Variants in DPP10 observed in about 807,000 individuals in gnomAD.
DPP10 encodes inactive dipeptidyl peptidase 10.
In DPP10, 33 loss-of-function variants were observed where a neutral mutation model predicts 120.9. The ratio of observed to expected loss-of-function variants is 0.27; its 90% confidence interval spans 0.21 to 0.37. DPP10 has a LOEUF of 0.37. Ranked by LOEUF, DPP10 falls within the 10% of genes least tolerant of loss-of-function variation. The pLI is 1.00. For synonymous variants in DPP10, 337 were observed against 326.1 expected (o/e 1.03, Z -0.36); for missense variants, 816 against 942.8 (o/e 0.87, Z 1.76).
chr2:114,479,423 G>T (rs1680812324), intron 1 of DPP10, among the ~76,000 whole-genome samples: 1 of 142,948 alleles, frequency 7.0e-6, no homozygotes, highest in African/African-American at 2.6e-5. Flanking sequence ...AAAAAAAACA[G>T]AACTATTCAA....
intron 5 of DPP10, among the ~76,000 whole-genome samples, chr2:115,544,724 A>G (rs984211257): frequency 2.0e-5 from 3 of 152,056 alleles, no homozygotes; most frequent in African/African-American, 7.2e-5. Flanking sequence ...GCAACATAAC[A>G]TATGGCATTC....
chr2:115,114,162 G>T (rs1031664644), intron 1 of DPP10, among the ~76,000 whole-genome samples: 20 of 152,256 alleles, frequency 1.3e-4, no homozygotes, highest in African/African-American at 4.6e-4. Context: ...CTTTCTCAAA[G>T]AACAGTATAT....
chr2:114,595,656 A>G (rs1233239149), intron 1 of DPP10, among the ~76,000 whole-genome samples: 1 of 152,156 alleles, frequency 6.6e-6, no homozygotes, highest in Non-Finnish European at 1.5e-5. Context: ...AAAGCATAAG[A>G]CATTCATACA....
chr2:115,311,377 A>G (rs1047849629), intron 2 of DPP10, among the ~76,000 whole-genome samples: 10 of 152,312 alleles, frequency 6.6e-5, no homozygotes, highest in African/African-American at 2.4e-4. Context: ...TTCAGTACTT[A>G]TTGACCACCA....
chr2:115,014,534 C>A (rs985601923), intron 1 of DPP10, among the ~76,000 whole-genome samples: 4 of 151,996 alleles, frequency 2.6e-5, no homozygotes, highest in East Asian at 3.9e-4. Context: ...AAAAACCCTT[C>A]AAAAAACCAA....
intron 11 of DPP10, among the ~76,000 whole-genome samples, chr2:115,754,873 C>G (rs1441450772): frequency 6.6e-6 from 1 of 152,042 alleles, no homozygotes; most frequent in Non-Finnish European, 1.5e-5. Flanking sequence ...TTGATTATTG[C>G]ACCTTGTATA....
At chr2:115,403,574 AT>A (rs964924118) in intron 3 of DPP10, among the ~76,000 whole-genome samples, 1 of 151,396 alleles carries the variant, frequency 6.6e-6, no homozygotes, top group Non-Finnish European at 1.5e-5. Context: ...TAATTTTTGT[AT>A]TTTCAGTAGA....
At chr2:114,515,175 T>C (rs1684490872) in intron 1 of DPP10, among the ~76,000 whole-genome samples, 1 of 152,212 alleles carries the variant, frequency 6.6e-6, no homozygotes, top group South Asian at 2.1e-4. Flanking sequence ...CAGGTTTACT[T>C]CCCAATATTC....
intron 1 of DPP10, among the ~76,000 whole-genome samples, chr2:115,225,342 C>T (rs936841040): frequency 1.3e-5 from 2 of 152,036 alleles, no homozygotes; most frequent in African/African-American, 2.4e-5. Context: ...TGGGGTGCAA[C>T]GTGAGAGGCC....
At chr2:115,256,407 C>T (rs1462398070) in intron 1 of DPP10, among the ~76,000 whole-genome samples, 2 of 152,118 alleles carry the variant, frequency 1.3e-5, no homozygotes, top group Non-Finnish European at 2.9e-5. Flanking sequence ...AGCCCCAAAC[C>T]TTGTCAGCCA....
In DPP10 at chr2:115,322,887, T is replaced by C. The variant is rs535436718; in HGVS notation, c.175+13534T>C. 3.9e-4 allele frequency among the ~76,000 whole-genome samples: 59 copies of C among 152,314 alleles called. 1 individual carries two copies. The highest frequency in any genetic ancestry group is 1.4e-3 in the African/African-American group (58 of 41,576). ...AAAACTGCTTTATTGTTAAAAAAAT[T>C]CTATTTGATGATCTGAGCCTTCTGC... On this transcript the variant is annotated intron_variant, in intron 2 of 25. Transcript: ENST00000410059.
At chr2:115,577,201 TAGTC>T (rs1432575095) in intron 5 of DPP10, among the ~76,000 whole-genome samples, 1 of 152,176 alleles carries the variant, frequency 6.6e-6, no homozygotes, top group Non-Finnish European at 1.5e-5. Flanking sequence ...GGCCTAAGGA[TAGTC>T]AGTCTAGAGG....
intron 5 of DPP10, among the ~76,000 whole-genome samples, chr2:115,596,976 G>A (rs1163298632): frequency 6.6e-6 from 1 of 152,146 alleles, no homozygotes; most frequent in Non-Finnish European, 1.5e-5. Flanking sequence ...ACTAGCTTCA[G>A]AGTGGAGCCC....
At chr2:115,378,717 A>T (rs1377303163) in intron 3 of DPP10, among the ~76,000 whole-genome samples, 4 of 152,040 alleles carry the variant, frequency 2.6e-5, no homozygotes, top group Non-Finnish European at 4.4e-5. Context: ...ATTATTTTCA[A>T]ATACATCCCA....
chr2:114,930,156 A>G (rs1313983043), intron 1 of DPP10, among the ~76,000 whole-genome samples: 1 of 152,092 alleles, frequency 6.6e-6, no homozygotes, highest in East Asian at 1.9e-4. Context: ...CTATTGTTTG[A>G]CTATTAGCAC....
At chr2:114,674,584 CTT>C (rs1698551511) in intron 1 of DPP10, among the ~76,000 whole-genome samples, 1 of 152,152 alleles carries the variant, frequency 6.6e-6, no homozygotes, top group South Asian at 2.1e-4. Flanking sequence ...AGCTTTTAAA[CTT>C]TGTCATTTTC....
chr2:114,806,414 C>T (rs921017968), intron 1 of DPP10, among the ~76,000 whole-genome samples: 2 of 152,174 alleles, frequency 1.3e-5, no homozygotes, highest in African/African-American at 4.8e-5. Context: ...GAATCCAAGC[C>T]TAACTATTCT....
At chr2:115,813,646 C>T (rs1178423184) in intron 19 of DPP10, among the ~76,000 whole-genome samples, 3 of 152,214 alleles carry the variant, frequency 2.0e-5, no homozygotes, top group Admixed American at 6.5e-5. Context: ...GTCTGATTCT[C>T]TACTTACTTC....
At chr2:115,588,421 A>G (rs375949306) in intron 5 of DPP10, among the ~76,000 whole-genome samples, 2 of 152,250 alleles carry the variant, frequency 1.3e-5, no homozygotes, top group African/African-American at 4.8e-5. Context: ...TTTGTAATAC[A>G]GAGGCTTCAT....
Sources: gnomAD v4.1 joint callset for allele counts (sites outside exome capture counted in the v4.1 genomes callset) on GRCh38, gnomAD v4.1.1 for gene constraint, MANE v1.5 for transcripts, NCBI Gene and HGNC (gene_info 2026-07-23, HGNC 2026-07-21) for gene names.